The following UMAD1 variants were observed in gnomAD, a reference collection of about 807,000 sequenced individuals.
The protein encoded by UMAD1 is UBAP1-MVB12-associated (UMA) domain containing 1.
A neutral mutation model predicts 6.1 loss-of-function variants in UMAD1; 8 were observed. The ratio of observed to expected loss-of-function variants is 1.30; its 90% confidence interval spans 0.76 to 2.35. The LOEUF is 2.35. Ranked by LOEUF, UMAD1 falls within the 30% of genes most tolerant of loss-of-function variation. The pLI, the probability that UMAD1 is intolerant of heterozygous loss-of-function variation, is 0.00. For synonymous variants in UMAD1, 56 were observed against 31.4 expected, an observed-to-expected ratio of 1.78 and a Z score of -2.61; for missense variants, 130 against 78.4, an observed-to-expected ratio of 1.66 and a Z score of -2.49.
intron 3 of UMAD1, among the ~76,000 whole-genome samples, chr7:7,810,332 T>C (rs1782998400): frequency 6.6e-6 from 1 of 152,094 alleles, no homozygotes; most frequent in Admixed American, 6.6e-5. Context: ...GTTAATATAC[T>C]TTGACAGTAA....
At chr7:7,744,157 T>A (rs1781525583) in intron 2 of UMAD1, among the ~76,000 whole-genome samples, 1 of 152,166 alleles carries the variant, frequency 6.6e-6, no homozygotes, top group African/African-American at 2.4e-5. Context: ...GTTCTGGGTG[T>A]TTCATATAAA....
intron 3 of UMAD1, among the ~76,000 whole-genome samples, chr7:7,841,140 G>A (rs149903223): frequency 0.01 from 1,558 of 152,098 alleles, 14 homozygotes; most frequent in Middle Eastern, 0.048. Context: ...AAATTACTTC[G>A]TGTGCATGTA....
intron 2 of UMAD1, among the ~76,000 whole-genome samples, chr7:7,689,892 A>G (rs1780134165): frequency 6.6e-6 from 1 of 152,212 alleles, no homozygotes; most frequent in Non-Finnish European, 1.5e-5. Flanking sequence ...TAACAACCAT[A>G]GTAATTGGTG....
intron 2 of UMAD1, among the ~76,000 whole-genome samples, chr7:7,759,726 A>G (rs1563183983): frequency 1.3e-5 from 2 of 152,288 alleles, no homozygotes; most frequent in Non-Finnish European, 2.9e-5. Flanking sequence ...GTGTATGACA[A>G]TTAGACATGC....
intron 2 of UMAD1, among the ~76,000 whole-genome samples, chr7:7,796,193 A>C (rs1782674010): frequency 6.7e-6 from 1 of 148,830 alleles, no homozygotes; most frequent in Non-Finnish European, 1.5e-5. Flanking sequence ...AAATATATAG[A>C]TATACTTAAG....
intron 2 of UMAD1, chr7:7,687,149 T>G (rs568965435): frequency 6.6e-6 from 1 of 152,366 alleles, no homozygotes; most frequent in East Asian, 1.9e-4. Flanking sequence ...ATACAGGTAC[T>G]GAACTGGAAA....
Position 7,801,758 on chromosome 7 carries a change from G to A in UMAD1, c.156+15G>A. The A allele has an allele frequency of 2.8e-6, 2 of 717,284 alleles. No homozygotes were observed. The highest frequency in any genetic ancestry group is 5.2e-6 in the Non-Finnish European group (2 of 385,042). 44.4% of individuals were successfully genotyped at this position (717,284 alleles called of 1,614,324 possible). ...AACCTTTGGAGGTAAGTGAAACAGA[G>A]TAAGTCCTTTTCGGTGAAACTGAAC... On this transcript the variant is annotated intron_variant, in intron 3 of 3. Coordinates refer to ENST00000682710, the MANE Select transcript of UMAD1 (RefSeq NM_001302348.2).
chr7:7,656,314 A>AT lies in UMAD1; in HGVS notation c.-64+15503dup, dbSNP rs869099532. Among the ~76,000 whole-genome samples the AT allele has an allele frequency of 3.6e-3, 544 of 150,986 alleles. 2 individuals carry two copies. The highest frequency in any genetic ancestry group is 5.8e-3 in the Non-Finnish European group (395 of 67,722). On this transcript the variant is annotated intron_variant, in intron 1 of 3. Transcript: ENST00000682710. ...AGAACTTGTTCATGTATTTAAAAAA[A>AT]TTTTTTTTTTGTTTTATTATACTTA... is the stretch of plus-strand genomic sequence containing the variant.
intron 3 of UMAD1, among the ~76,000 whole-genome samples, chr7:7,861,034 G>A (rs1343917874): frequency 6.6e-6 from 1 of 152,110 alleles, no homozygotes; most frequent in Non-Finnish European, 1.5e-5. Flanking sequence ...ATTTATATAA[G>A]GTGCCTATAA....
At chr7:7,739,106 CTTAA>C (rs1460961760) in intron 2 of UMAD1, 1 of 152,216 alleles carries the variant, frequency 6.6e-6, no homozygotes, top group African/African-American at 2.4e-5. Flanking sequence ...TCAAGTGTCA[CTTAA>C]TTGTTACCTA....
chr7:7,859,639 G>T (rs1784078533), intron 3 of UMAD1, among the ~76,000 whole-genome samples: 1 of 152,166 alleles, frequency 6.6e-6, no homozygotes, highest in South Asian at 2.1e-4. Context: ...ATTCGCTTAA[G>T]GTCACACGGT....
intron 3 of UMAD1, among the ~76,000 whole-genome samples, chr7:7,831,133 CTA>C (rs1327188598): frequency 6.6e-6 from 1 of 152,092 alleles, no homozygotes; most frequent in African/African-American, 2.4e-5. Flanking sequence ...ATTCTCCTGA[CTA>C]TTAATTTGAT....
chr7:7,869,991 C>G (rs1339919590), intron 3 of UMAD1, among the ~76,000 whole-genome samples: 1 of 152,132 alleles, frequency 6.6e-6, no homozygotes, highest in East Asian at 1.9e-4. Flanking sequence ...GATTGAACCT[C>G]ATGAATTTTT....
At chr7:7,670,597 T>C (rs1405015366) in intron 1 of UMAD1, among the ~76,000 whole-genome samples, 1 of 152,190 alleles carries the variant, frequency 6.6e-6, no homozygotes, top group Non-Finnish European at 1.5e-5. Context: ...GTCTGTCTCA[T>C]TGCCCCATTC....
At chr7:7,852,224 G>A (rs945922725) in intron 3 of UMAD1, among the ~76,000 whole-genome samples, 4 of 152,134 alleles carry the variant, frequency 2.6e-5, no homozygotes, top group Non-Finnish European at 5.9e-5. Flanking sequence ...AACTCAAACT[G>A]TTTTTCCTCT....
At chr7:7,660,692 C>T (rs1563094552) in intron 1 of UMAD1, among the ~76,000 whole-genome samples, 1 of 152,214 alleles carries the variant, frequency 6.6e-6, no homozygotes, top group Non-Finnish European at 1.5e-5. Flanking sequence ...ATGGACTTCC[C>T]TTTGTGGGTA....
chr7:7,730,519 A>G (rs1189841143), intron 2 of UMAD1, among the ~76,000 whole-genome samples: 2 of 152,152 alleles, frequency 1.3e-5, no homozygotes, highest in African/African-American at 4.8e-5. Flanking sequence ...GATTGCATTC[A>G]TACTTGCCTA....
chr7:7,835,078 C>T (rs1340771881), intron 3 of UMAD1, among the ~76,000 whole-genome samples: 3 of 152,148 alleles, frequency 2.0e-5, no homozygotes, highest in Non-Finnish European at 2.9e-5. Flanking sequence ...GTTTACAGTT[C>T]GAGGTGAGAT....
intron 2 of UMAD1, chr7:7,742,436 CT>C (rs1418333729): frequency 5.4e-6 from 3 of 554,434 alleles, no homozygotes; most frequent in Non-Finnish European, 1.1e-5. Flanking sequence ...GCAGATCTTT[CT>C]TTTTTTCTTT....
Sources: gnomAD v4.1 joint callset for allele counts (sites outside exome capture counted in the v4.1 genomes callset) on GRCh38, gnomAD v4.1.1 for gene constraint, MANE v1.5 for transcripts, NCBI Gene and HGNC (gene_info 2026-07-23, HGNC 2026-07-21) for gene names.